Variants in PACRG observed in about 807,000 individuals in gnomAD.
PACRG encodes the protein parkin coregulated gene protein.
A neutral mutation model predicts 29.7 loss-of-function variants in PACRG; 29 were observed. The ratio of observed to expected loss-of-function variants is 0.98; its 90% CI spans 0.73 to 1.33. PACRG has a LOEUF of 1.33. Among genes scored for constraint, PACRG ranks in the 40% most tolerant of loss-of-function variants. PACRG has a pLI of 0.00. For synonymous variants in PACRG, 116 were observed against 118.7 expected (o/e 0.98, Z 0.15); for missense variants, 279 against 316.2 (o/e 0.88, Z 0.89).
At chr6:163,229,993 C>A (rs1033150292) in intron 4 of PACRG, among the ~76,000 whole-genome samples, 1 of 152,174 alleles carries the variant, frequency 6.6e-6, no homozygotes, top group Non-Finnish European at 1.5e-5. Context: ...TAATAAAAAA[C>A]AGCAAATTTA....
chr6:163,056,271 A>G (rs1014494658), intron 2 of PACRG, among the ~76,000 whole-genome samples: 5 of 152,252 alleles, frequency 3.3e-5, no homozygotes, highest in Non-Finnish European at 7.3e-5. Flanking sequence ...CAGGTGTTCA[A>G]ACAAAAACTT....
At chr6:163,219,559 G>A (rs943482569) in intron 4 of PACRG, among the ~76,000 whole-genome samples, 8 of 152,154 alleles carry the variant, frequency 5.3e-5, no homozygotes, top group African/African-American at 1.9e-4. Context: ...ACCTCCCAAT[G>A]GTTTCTCATT....
chr6:163,201,337 A>AGC (rs1240428271), intron 4 of PACRG, among the ~76,000 whole-genome samples: 3,426 of 152,322 alleles, frequency 0.022, 118 homozygotes, highest in African/African-American at 0.079. Flanking sequence ...ATCAGTTCAC[A>AGC]AGTGGATTTT....
At chr6:162,817,546 G>C (rs1051676468) in intron 2 of PACRG, among the ~76,000 whole-genome samples, 1 of 152,218 alleles carries the variant, frequency 6.6e-6, no homozygotes, top group Non-Finnish European at 1.5e-5. Context: ...ACAGTCTGCA[G>C]TGGTGGAAAT....
intron 2 of PACRG, among the ~76,000 whole-genome samples, chr6:162,956,230 C>T (rs1473149210): frequency 2.6e-5 from 4 of 152,142 alleles, no homozygotes; most frequent in Admixed American, 1.3e-4. Context: ...AAGTCAGAAA[C>T]CCCAGAGACC....
At chr6:163,097,442 G>A (rs879418586) in intron 4 of PACRG, among the ~76,000 whole-genome samples, 2 of 152,180 alleles carry the variant, frequency 1.3e-5, no homozygotes, top group South Asian at 2.1e-4. Context: ...CTTCTGAAAC[G>A]GTGATGAAAG....
At chr6:162,729,979 C>A (rs750249365) in intron 1 of PACRG, among the ~76,000 whole-genome samples, 1 of 151,894 alleles carries the variant, frequency 6.6e-6, no homozygotes, top group African/African-American at 2.4e-5. Context: ...ACTAGCAATA[C>A]CTCTCTTGCC....
chr6:162,827,717 C>A (rs575056117), intron 2 of PACRG, among the ~76,000 whole-genome samples: 218 of 152,222 alleles, frequency 1.4e-3, no homozygotes, highest in African/African-American at 5.1e-3. Flanking sequence ...ACCAACCATG[C>A]TGCCTCCCTT....
chr6:163,151,303 C>T (rs1161939985), intron 4 of PACRG, among the ~76,000 whole-genome samples: 1 of 151,976 alleles, frequency 6.6e-6, no homozygotes, highest in Non-Finnish European at 1.5e-5. Flanking sequence ...TGTTTAAAAT[C>T]TTATGTTTTT....
chr6:162,863,448 A>G (rs1792033592), intron 2 of PACRG, among the ~76,000 whole-genome samples: 2 of 152,334 alleles, frequency 1.3e-5, no homozygotes, highest in South Asian at 2.1e-4. Flanking sequence ...GTTTGAGAAC[A>G]TGTGGGCAAA....
intron 1 of PACRG, among the ~76,000 whole-genome samples, chr6:162,748,945 C>T (rs994474333): frequency 1.3e-5 from 2 of 152,110 alleles, no homozygotes; most frequent in Non-Finnish European, 2.9e-5. Context: ...CTCACTCCTT[C>T]CCCCCTTCTC....
chr6:163,156,822 C>T (rs1043878458), intron 4 of PACRG, among the ~76,000 whole-genome samples: 1 of 152,114 alleles, frequency 6.6e-6, no homozygotes, highest in African/African-American at 2.4e-5. Flanking sequence ...TTCTTCAAAG[C>T]CAGCAACGTT....
At chr6:162,782,615 ATTAAT>A (rs1226288128) in intron 1 of PACRG, among the ~76,000 whole-genome samples, 7 of 151,850 alleles carry the variant, frequency 4.6e-5, no homozygotes. Context: ...TATAGAAATG[ATTAAT>A]TTAACTGTCA....
At chr6:163,306,342 G>A (rs1785197839) in intron 4 of PACRG, among the ~76,000 whole-genome samples, 1 of 152,092 alleles carries the variant, frequency 6.6e-6, no homozygotes, top group African/African-American at 2.4e-5. Flanking sequence ...TACTTCACAA[G>A]CTTGAATTCA....
At chr6:163,163,428 C>A (rs568050449) in intron 4 of PACRG, among the ~76,000 whole-genome samples, 3 of 152,128 alleles carry the variant, frequency 2.0e-5, no homozygotes, top group Non-Finnish European at 4.4e-5. Flanking sequence ...ACTGCCACCA[C>A]GCCCGACTAA....
In PACRG at chr6:162,750,122, G is replaced by A. The variant is rs76742753; in HGVS notation, c.156+21731G>A. Among the ~76,000 whole-genome samples, 727 of 152,210 alleles carry A rather than the reference G, an allele frequency of 4.8e-3. 3 individuals are homozygous for A. Among genetic ancestry groups the A allele is most frequent in the Middle Eastern group, 0.01 (3 of 292 alleles). On this transcript the variant is annotated intron_variant, in intron 1 of 4. Coordinates refer to ENST00000366888, the MANE Select transcript of PACRG (RefSeq NM_001080379.2). ...TCATTTGTTGATACTGATTTGTTCCGTGTACATAAAACTTAAATTTATGTC... is the reference window on the plus strand; with the variant it reads ...TCATTTGTTGATACTGATTTGTTCCATGTACATAAAACTTAAATTTATGTC...
chr6:163,290,481 G>A, intron 4 of PACRG, among the ~76,000 whole-genome samples: 1 of 152,190 alleles, frequency 6.6e-6, no homozygotes, highest in East Asian at 1.9e-4. Context: ...CTGAGCCAAT[G>A]GGAAGAAGGT....
At chr6:163,072,450 A>C (rs1812153680) in intron 3 of PACRG, among the ~76,000 whole-genome samples, 1 of 152,168 alleles carries the variant, frequency 6.6e-6, no homozygotes, top group African/African-American at 2.4e-5. Flanking sequence ...TATCAAAGGA[A>C]TATACCTCAA....
At chr6:163,054,978 C>T (rs1185963890) in intron 2 of PACRG, among the ~76,000 whole-genome samples, 1 of 152,152 alleles carries the variant, frequency 6.6e-6, no homozygotes, top group African/African-American at 2.4e-5. Context: ...GTTGGGGGTA[C>T]AACTTCACCA....
Sources: allele counts gnomAD v4.1 joint callset (sites outside exome capture counted in the v4.1 genomes callset), GRCh38; gene constraint gnomAD v4.1.1; transcripts MANE v1.5; gene names NCBI Gene and HGNC (gene_info 2026-07-23, HGNC 2026-07-21).